The following DHX35 variants were observed in gnomAD, a reference collection of about 807,000 sequenced individuals.
DHX35 encodes the protein DEAH-box helicase 35.
In DHX35, 84 loss-of-function variants were observed where a neutral mutation model predicts 99.6. The observed-to-expected ratio is 0.84, with a 90% CI of 0.71 to 1.01. The LOEUF (loss-of-function observed/expected upper bound fraction) is 1.01, where lower values mean the gene tolerates loss of function less well. Among genes scored for constraint, DHX35 ranks in the 50% least tolerant of loss-of-function variants. The pLI is 0.00. For missense variants in DHX35, 852 were observed against 888.5 expected, an observed-to-expected ratio of 0.96 and a Z score of 0.52; for synonymous variants, 331 against 316.2, an observed-to-expected ratio of 1.05 and a Z score of -0.50.
intron 20 of DHX35, among the ~76,000 whole-genome samples, chr20:39,031,906 A>G (rs1341155274): frequency 1.3e-5 from 2 of 152,234 alleles, no homozygotes; most frequent in Non-Finnish European, 2.9e-5. Context: ...GTGGGGAATC[A>G]TTGGTATGGG....
rs1470542534 is a variant in DHX35, at chr20:38,978,286, G to C, written c.268-5413G>C. ...CTTTGCACCAGCCCCTGAGCTGACC[G>C]TTCTTAAAGATAACTGGTGCTCATC... On this transcript the variant is annotated intron_variant, in intron 3 of 21. Transcript: ENST00000252011. The C allele has an allele frequency of 5.2e-6, 4 of 766,060 alleles. No homozygotes were observed. The East Asian group carries it at 9.7e-5, about 19-fold the overall frequency. The allele number at this position is 766,060 out of a possible 1,614,324, so 47.5% of individuals were successfully genotyped here.
intron 6 of DHX35, 91 bp from the exon 7 acceptor site, chr20:38,992,265 G>A (rs111335472): frequency 1.8e-5 from 18 of 1,022,066 alleles, no homozygotes; most frequent in African/African-American, 1.4e-4. Flanking sequence ...GATTGTATGA[G>A]GACTAAATAC....
chr20:38,978,095 G>T (rs907987932), intron 3 of DHX35: 7 of 762,778 alleles, frequency 9.2e-6, no homozygotes, highest in Non-Finnish European at 1.7e-5. Context: ...CCACTAATAT[G>T]CACTGGCCCT....
At chr20:38,985,209 C>G (rs749461540) in intron 4 of DHX35, among the ~76,000 whole-genome samples, 1 of 151,572 alleles carries the variant, frequency 6.6e-6, no homozygotes, top group Non-Finnish European at 1.5e-5. Context: ...ATAGCAAGAC[C>G]CTGTCTCTAC....
intron 7 of DHX35, among the ~76,000 whole-genome samples, chr20:38,994,032 C>T (rs770494185): frequency 3.3e-5 from 5 of 152,154 alleles, no homozygotes; most frequent in Non-Finnish European, 7.3e-5. Context: ...ACAGTGGGTA[C>T]ACTGTGTACC....
intron 18 of DHX35, among the ~76,000 whole-genome samples, chr20:39,027,315 T>C (rs964649309): frequency 6.6e-6 from 1 of 152,096 alleles, no homozygotes; most frequent in African/African-American, 2.4e-5. Flanking sequence ...GGTTAAAAAA[T>C]AGAAAGCAAT....
intron 3 of DHX35, among the ~76,000 whole-genome samples, chr20:38,979,720 C>T (rs2086141193): frequency 6.6e-6 from 1 of 152,068 alleles, no homozygotes. Context: ...AGGTTTTTCT[C>T]TCTTGTTAGA....
chr20:38,996,655 C>T (rs2086434382), intron 8 of DHX35, among the ~76,000 whole-genome samples: 1 of 152,126 alleles, frequency 6.6e-6, no homozygotes, highest in Non-Finnish European at 1.5e-5. Flanking sequence ...TCCTAGTCTC[C>T]CTGTGGCTTC....
rs1036061981 is a variant in DHX35, at chr20:38,988,038, G to A, written c.346-775G>A. Among the ~76,000 whole-genome samples, 103 of 152,266 alleles carry A rather than the reference G, an allele frequency of 6.8e-4. 1 individual carries two copies. The highest frequency in any genetic ancestry group is 6.4e-3 in the Admixed American group (98 of 15,292). On this transcript the variant is annotated intron_variant, in intron 4 of 21. Transcript: ENST00000252011. The stretch of plus-strand genomic sequence containing the variant: ...CGGGGGATGGGTTTTCTTTTCGAGC[G>A]TGGAGATGAAAAGTTGTCCCTGGTT...
rs1337174315 is a variant in DHX35 at position 38,989,098 on chromosome 20, T to TA, written c.450+181_450+182insA. Among the ~76,000 whole-genome samples, 7 of 76,998 alleles carry TA rather than the reference T, an allele frequency of 9.1e-5. No homozygotes were observed. The South Asian group carries it at 1.2e-3, about 14-fold the overall frequency. The allele number at this position is 76,998 out of a possible 152,430, so 50.5% of individuals were successfully genotyped here. ...GAGACAGAGAGCTCTTCCTTTTTTC[T>TA]TTTTTTTTTTTTTTTTTGAGACAGA... On this transcript the variant is annotated intron_variant, in intron 5 of 21. Coordinates refer to ENST00000252011, the MANE Select transcript of DHX35 (RefSeq NM_021931.4).
chr20:39,020,639 C>T (rs1202318798), intron 15 of DHX35, among the ~76,000 whole-genome samples: 1 of 144,392 alleles, frequency 6.9e-6, no homozygotes, highest in African/African-American at 2.6e-5. Flanking sequence ...CTCAGCCTTC[C>T]ATTTAGAAAC....
intron 8 of DHX35, among the ~76,000 whole-genome samples, chr20:38,997,743 A>G (rs1271689815): frequency 6.6e-6 from 1 of 152,058 alleles, no homozygotes; most frequent in African/African-American, 2.4e-5. Context: ...TACGTGAGGT[A>G]TGGGATGTGA....
chr20:39,038,208 G>A (rs1161646927), intron 21 of DHX35, among the ~76,000 whole-genome samples: 1 of 152,240 alleles, frequency 6.6e-6, no homozygotes, highest in Non-Finnish European at 1.5e-5. Flanking sequence ...CAGAGGGAGA[G>A]TCGTGTCTCA....
rs1444345846 is a variant in DHX35 at position 38,972,567 on chromosome 20, T to C, written c.183T>C (p.Asn61=). 1 of 1,606,364 alleles carries C rather than the reference T, an allele frequency of 6.2e-7. No homozygotes were observed. Among genetic ancestry groups the C allele is most frequent in the African/African-American group, 1.3e-5 (1 of 74,866 alleles). The change falls in exon 3 of 22, where the codon AAT becomes AAC. Residue 61 remains asparagine (N), a synonymous_variant. Coordinates refer to ENST00000252011, the MANE Select transcript of DHX35 (RefSeq NM_021931.4). ...GTGTTATTCTTTTTCAGCTTAGGAA[T>C]CATATTTTATACTTGATAGAAAATT... The part of the protein sequence containing the change: ...RQKLPVFKLR[N]HILYLIENYQ...
At chr20:39,025,567 G>C (rs1489187831) in intron 18 of DHX35, among the ~76,000 whole-genome samples, 3 of 152,118 alleles carry the variant, frequency 2.0e-5, no homozygotes, top group Admixed American at 2.0e-4. Context: ...TTTCTGATGG[G>C]CATTCTTACT....
At chr20:38,970,510 A>G (rs1014196593) in intron 2 of DHX35, among the ~76,000 whole-genome samples, 1 of 152,264 alleles carries the variant, frequency 6.6e-6, no homozygotes, top group Non-Finnish European at 1.5e-5. Flanking sequence ...ACTGAGGGAC[A>G]GTTTGAGCTG....
intron 14 of DHX35, among the ~76,000 whole-genome samples, chr20:39,015,163 G>A (rs1311860358): frequency 6.6e-6 from 1 of 152,164 alleles, no homozygotes; most frequent in East Asian, 1.9e-4. Flanking sequence ...TTCGTCAGAA[G>A]CTATTAGTAA....
At chr20:38,980,680 A>G (rs745391033) in intron 3 of DHX35, among the ~76,000 whole-genome samples, 1 of 152,190 alleles carries the variant, frequency 6.6e-6, no homozygotes, top group Non-Finnish European at 1.5e-5. Context: ...CTTTTAGACT[A>G]ATAGAAAAAT....
At chr20:38,997,380 GTTAA>G (rs1393257205) in intron 8 of DHX35, among the ~76,000 whole-genome samples, 1 of 152,024 alleles carries the variant, frequency 6.6e-6, no homozygotes, top group Non-Finnish European at 1.5e-5. Flanking sequence ...CAGATTCATT[GTTAA>G]TTAATACTTA....
Sources: gnomAD v4.1 joint callset for allele counts (sites outside exome capture counted in the v4.1 genomes callset) on GRCh38, gnomAD v4.1.1 for gene constraint, MANE v1.5 for transcripts, NCBI Gene and HGNC (gene_info 2026-07-23, HGNC 2026-07-21) for gene names.